Variants in RUNX1T1 observed in about 807,000 individuals in gnomAD.
RUNX1T1 encodes the protein RUNX1 partner transcriptional co-repressor 1, also known as protein CBFA2T1.
In RUNX1T1, 4 loss-of-function variants were observed where a neutral mutation model predicts 62.8. The observed-to-expected ratio is 0.06, with a 90% CI of 0.03 to 0.15. The LOEUF is 0.15. RUNX1T1 is among the 10% of genes least tolerant of loss of function. The probability of loss-of-function intolerance (pLI) is 1.00; values close to 1 mark genes in which losing one functional copy is unlikely to be tolerated. For missense variants in RUNX1T1, 508 were observed against 754.3 expected, an observed-to-expected ratio of 0.67 and a Z score of 3.82; for synonymous variants, 291 against 286.0, an observed-to-expected ratio of 1.02 and a Z score of -0.18.
At chr8:92,081,323 TAATTA>T in intron 1 of RUNX1T1, 1 of 714,368 alleles carries the variant, frequency 1.4e-6, no homozygotes. Flanking sequence ...TATTTTAATA[TAATTA>T]AATATGAAAT....
chr8:92,082,551 C>A (rs1835436430), intron 1 of RUNX1T1, among the ~76,000 whole-genome samples: 1 of 152,178 alleles, frequency 6.6e-6, no homozygotes, highest in East Asian at 1.9e-4. Flanking sequence ...ACACAGCTGT[C>A]TAAAATTGTC....
At chr8:92,027,134 A>AAAAT (rs1303456767) in intron 1 of RUNX1T1, among the ~76,000 whole-genome samples, 2 of 150,936 alleles carry the variant, frequency 1.3e-5, no homozygotes, top group Non-Finnish European at 3.0e-5. Context: ...AAAAAAAAAA[A>AAAAT]GAAAAACAAA....
intron 1 of RUNX1T1, among the ~76,000 whole-genome samples, chr8:92,052,560 T>C (rs1830398317): frequency 6.6e-6 from 1 of 152,202 alleles, no homozygotes; most frequent in Non-Finnish European, 1.5e-5. Context: ...TTTTAGGACC[T>C]AACCTGGCTT....
At chr8:91,977,358 A>T (rs1409570180) in intron 8 of RUNX1T1, 2 of 194,122 alleles carry the variant, frequency 1.0e-5, no homozygotes, top group East Asian at 1.6e-4. Flanking sequence ...ATGGACTGGA[A>T]ATATCTATGC....
chr8:92,009,052 T>G (rs147460820), intron 4 of RUNX1T1, among the ~76,000 whole-genome samples: 93 of 152,306 alleles, frequency 6.1e-4, no homozygotes, highest in African/African-American at 2.1e-3. Flanking sequence ...ATGGGAAACA[T>G]GCATGCCTCC....
intron 1 of RUNX1T1, among the ~76,000 whole-genome samples, chr8:92,018,232 C>T (rs1823399287): frequency 6.6e-6 from 1 of 152,198 alleles, no homozygotes; most frequent in African/African-American, 2.4e-5. Context: ...TCAATCTAAT[C>T]TACTTATCAA....
chr8:92,017,352 T>C (rs1361175421), exon 2 of RUNX1T1: 1 of 1,613,908 alleles, frequency 6.2e-7, no homozygotes, highest in Non-Finnish European at 8.5e-7. Flanking sequence ...GTGGAGTGCT[T>C]CTCAGTACGA....
At chr8:92,044,594 G>A (rs1481535214) in intron 1 of RUNX1T1, among the ~76,000 whole-genome samples, 2 of 152,180 alleles carry the variant, frequency 1.3e-5, no homozygotes, top group African/African-American at 2.4e-5. Context: ...CTCCATGCCT[G>A]CAATATGCAG....
At chr8:92,087,214 G>A (rs1171107069) in intron 1 of RUNX1T1, among the ~76,000 whole-genome samples, 3 of 152,096 alleles carry the variant, frequency 2.0e-5, no homozygotes, top group African/African-American at 4.8e-5. Context: ...CACTCCACAG[G>A]ACACAGCTGA....
At chr8:92,049,908 C>A (rs973867038) in intron 1 of RUNX1T1, among the ~76,000 whole-genome samples, 1 of 152,026 alleles carries the variant, frequency 6.6e-6, no homozygotes, top group Non-Finnish European at 1.5e-5. Flanking sequence ...CTTATTTTGT[C>A]CATTACGGTA....
chr8:91,959,251 A>T (rs1021681487), exon 11 of RUNX1T1: 1 of 218,314 alleles, frequency 4.6e-6, no homozygotes, highest in Admixed American at 5.8e-5. Context: ...CACCATTTTT[A>T]AAATTATTTT....
intron 9 of RUNX1T1, 117 bp downstream of exon 10, chr8:91,975,788 T>C: frequency 4.5e-6 from 3 of 671,524 alleles, no homozygotes; most frequent in Non-Finnish European, 8.0e-6. Flanking sequence ...TTTTGTTTTG[T>C]TTTTGCTGTT....
At chr8:92,010,812 G>A (rs909463783) in intron 4 of RUNX1T1, 190 bp downstream of exon 5, 1 of 457,898 alleles carries the variant, frequency 2.2e-6, no homozygotes, top group Admixed American at 4.0e-5. Flanking sequence ...CTTCTTTTCA[G>A]GTAATTATTT....
intron 1 of RUNX1T1, among the ~76,000 whole-genome samples, chr8:92,048,598 T>A (rs746819557): frequency 2.0e-5 from 3 of 151,938 alleles, no homozygotes; most frequent in African/African-American, 7.3e-5. Context: ...TGGGGAAAAG[T>A]AAGAAGATAG....
upstream of RUNX1T1, chr8:92,102,774 G>A (rs1279822740): frequency 3.0e-6 from 4 of 1,337,864 alleles, no homozygotes; most frequent in East Asian, 2.9e-5. The surrounding 1 kb of genome is among the most constrained non-coding windows in gnomAD (Gnocchi z 4.5). Context: ...CGAAGATGAC[G>A]GTCATCGGAA....
chr8:91,991,153 C>A (rs778073780), intron 6 of RUNX1T1, among the ~76,000 whole-genome samples: 2 of 152,090 alleles, frequency 1.3e-5, no homozygotes, highest in Non-Finnish European at 2.9e-5. Flanking sequence ...TGTTAAGCCA[C>A]AGATAGCATG....
chr8:92,018,367 T>G (rs568029915), intron 1 of RUNX1T1, among the ~76,000 whole-genome samples: 2 of 152,372 alleles, frequency 1.3e-5, no homozygotes, highest in Admixed American at 1.3e-4. Context: ...AAAATAATCA[T>G]CATTCAAATA....
chr8:91,986,498 A>G (rs1327402636), intron 7 of RUNX1T1, among the ~76,000 whole-genome samples, 173 bp from the exon 9 acceptor site: 1 of 152,194 alleles, frequency 6.6e-6, no homozygotes, highest in East Asian at 1.9e-4. Flanking sequence ...ATAGATGGAA[A>G]ATTCAATGGG....
chr8:91,986,102 T>C (rs946017889), intron 8 of RUNX1T1, 22 bp downstream of exon 9: 4 of 1,514,874 alleles, frequency 2.6e-6, no homozygotes, highest in African/African-American at 1.4e-5. Context: ...GTTTTCGAGA[T>C]ACTCATCTGA....
Sources: gnomAD v4.1 joint callset for allele counts (sites outside exome capture counted in the v4.1 genomes callset) on GRCh38, gnomAD v4.1.1 for gene constraint, Gnocchi (gnomAD v3.1) non-coding constraint, MANE v1.5 for transcripts, NCBI Gene and HGNC (gene_info 2026-07-23, HGNC 2026-07-21) for gene names.